Variants in ZNF75D observed in about 807,000 individuals in gnomAD.
ZNF75D encodes the protein zinc finger protein 75.
ZNF75D carries 33 observed loss-of-function variants against 33.3 expected under a neutral mutation model. The observed-to-expected ratio is 0.99, with a 90% CI of 0.75 to 1.32. The LOEUF (loss-of-function observed/expected upper bound fraction) is 1.32, where lower values mean the gene tolerates loss of function less well. ZNF75D is among the 40% of genes most tolerant of loss of function. The pLI is 0.00. For missense variants in ZNF75D, 338 were observed against 367.5 expected, an observed-to-expected ratio of 0.92 and a Z score of 0.66; for synonymous variants, 113 against 130.6, an observed-to-expected ratio of 0.87 and a Z score of 0.92.
Position 135,287,088 on chromosome X carries a change from T to C in ZNF75D, c.*49A>G. 9.6e-7 allele frequency: 1 copy of C among 1,040,706 alleles called. No homozygotes were observed. The highest frequency in any genetic ancestry group is 3.0e-5 in the East Asian group (1 of 33,075). 85.8% of individuals were successfully genotyped at this position (1,040,706 alleles called of 1,213,427 possible). A position where few individuals can be genotyped will look rare whatever the true frequency, so the allele number is the denominator to read the frequency against. ...TCCTATCATTGGGTGCCTCATAATTTTGTATTCTTTCACCACTTCTAAAGT... is the reference window on the plus strand; with the variant it reads ...TCCTATCATTGGGTGCCTCATAATTCTGTATTCTTTCACCACTTCTAAAGT... On this transcript the variant is annotated 3_prime_UTR_variant, in exon 7 of 7. Coordinates refer to ENST00000370766, the MANE Select transcript of ZNF75D (RefSeq NM_007131.5).
downstream of ZNF75D, among the ~76,000 whole-genome samples, chrX:135,283,415 A>G (rs781992182): frequency 1.8e-4 from 20 of 111,813 alleles, no homozygotes; most frequent in Admixed American, 4.7e-4. Context: ...CCCTCCTTTA[A>G]ATGAGGAACA....
intron 1 of ZNF75D, among the ~76,000 whole-genome samples, chrX:135,329,811 T>C (rs1350928025): frequency 8.9e-6 from 1 of 112,494 alleles, no homozygotes; most frequent in Admixed American, 9.4e-5. Flanking sequence ...CTGAATATGA[T>C]TTTTTTAAAT....
intron 1 of ZNF75D, among the ~76,000 whole-genome samples, chrX:135,340,981 G>A (rs1482920401): frequency 8.9e-6 from 1 of 111,900 alleles, no homozygotes; most frequent in East Asian, 2.8e-4. Context: ...ACTGTAATGG[G>A]CAGCAGATTC....
At chrX:135,316,763 T>C (rs1459008039) in intron 1 of ZNF75D, among the ~76,000 whole-genome samples, 3 of 109,107 alleles carry the variant, frequency 2.7e-5, no homozygotes, top group African/African-American at 1.0e-4. Context: ...TGATCTAGTC[T>C]ATTGTTGGAG....
At position 135,294,123 on chromosome X, in the gene ZNF75D, C is replaced by T; in HGVS notation, c.18G>A (p.Leu6=). 1 of 1,193,495 alleles carries T rather than the reference C, an allele frequency of 8.4e-7. No homozygotes were observed. Among genetic ancestry groups the T allele is most frequent in the South Asian group, 1.9e-5 (1 of 53,973 alleles). MAMRE[L]NADSCSSPQM... Reference sequence around the variant, plus strand: ...GGGGGCTTGAGCATGAATCCGCGTTCAGCTCTCTCATCGCCATTTGCTCTA... The same window carrying T: ...GGGGGCTTGAGCATGAATCCGCGTTTAGCTCTCTCATCGCCATTTGCTCTA... Residue 6 remains leucine, a synonymous_variant, in exon 3 of 7, where the codon CTG becomes CTA. Coordinates refer to ENST00000370766, the MANE Select transcript of ZNF75D (RefSeq NM_007131.5).
At chrX:135,332,285 G>A (rs1241725868) in intron 1 of ZNF75D, among the ~76,000 whole-genome samples, 2 of 111,560 alleles carry the variant, frequency 1.8e-5, no homozygotes, top group Admixed American at 1.9e-4. Flanking sequence ...TAGCATAGAA[G>A]GGTCCAGTAG....
Position 135,342,195 on chromosome X carries a change from C to G in ZNF75D, c.-818G>C, listed in dbSNP as rs1332401706. On this transcript the variant is annotated 5_prime_UTR_variant, in exon 1 of 7. It removes the in-frame stop codon of an upstream open reading frame in the 5' UTR. Transcript: ENST00000370766. ...AACTACTCTACACTTCAGGGCTCCT[C>G]TAAGTATCCATTGGCTCCAGTTTGA... 1 of 112,064 alleles carries G rather than the reference C, an allele frequency of 8.9e-6. No homozygotes were observed. Among genetic ancestry groups the G allele is most frequent in the African/African-American group, 3.2e-5 (1 of 30,773 alleles). 9.2% of individuals were successfully genotyped at this position (112,064 alleles called of 1,213,427 possible). A position where few individuals can be genotyped will look rare whatever the true frequency, so the allele number is the denominator to read the frequency against.
chrX:135,258,261 T>A (rs1203128993), intron 1 of ZNF75D, among the ~76,000 whole-genome samples: 1 of 108,365 alleles, frequency 9.2e-6, no homozygotes, highest in Non-Finnish European at 1.9e-5. Context: ...AACATACGTG[T>A]GCATGTGTCT....
rs577294858 is a variant in ZNF75D at position 135,258,198 on chromosome X, A to T, written n.828-2421T>A. ...TGGTGTATAATCCAGTCTATCATTG[A>T]TGGACATTTGGACTGGTTCCAAGTC... On this transcript the variant is annotated intron_variant and non_coding_transcript_variant, in intron 1 of 3. Transcript: ENST00000494295. Among the ~76,000 whole-genome samples, 4 of 100,039 alleles carry T rather than the reference A, an allele frequency of 4.0e-5. No homozygotes were observed. In the South Asian group the frequency reaches 1.6e-3, roughly 40 times the overall value. The allele number at this position is 100,039 out of a possible 115,157, so 86.9% of individuals were successfully genotyped here.
intron 1 of ZNF75D, among the ~76,000 whole-genome samples, chrX:135,326,582 C>G (rs1354416506): frequency 8.9e-6 from 1 of 111,998 alleles, no homozygotes; most frequent in Non-Finnish European, 1.9e-5. Flanking sequence ...CACTTGGGTC[C>G]CCTTCCACAC....
At chrX:135,259,599 C>G (rs2083829126) in intron 1 of ZNF75D, among the ~76,000 whole-genome samples, 1 of 111,108 alleles carries the variant, frequency 9.0e-6, no homozygotes. Context: ...CTCTGTTTGT[C>G]TTAATGGTGT....
At chrX:135,329,402 C>A (rs781907150) in intron 1 of ZNF75D, among the ~76,000 whole-genome samples, 2 of 111,619 alleles carry the variant, frequency 1.8e-5, no homozygotes, top group Non-Finnish European at 3.8e-5. Flanking sequence ...ATCAGCCTCC[C>A]GAGTACCTGG....
intron 1 of ZNF75D, among the ~76,000 whole-genome samples, chrX:135,266,141 T>C (rs960848976): frequency 9.1e-6 from 1 of 110,098 alleles, no homozygotes; most frequent in Non-Finnish European, 1.9e-5. Context: ...AAAAATAAAA[T>C]GCAAGAAATT....
chrX:135,287,044 T>G lies in ZNF75D; in HGVS notation c.*93A>C. The G allele has an allele frequency of 1.3e-6, 1 of 756,604 alleles. No individual in the cohort carries two copies. Among genetic ancestry groups the G allele is most frequent in the Non-Finnish European group, 2.0e-6 (1 of 509,213 alleles). 62.4% of individuals were successfully genotyped at this position (756,604 alleles called of 1,213,427 possible). A position where few individuals can be genotyped will look rare whatever the true frequency, so the allele number is the denominator to read the frequency against. ...AAGTGTAACATGTACCCTTCCCAAATGTTTTATTAATCACAGATTCCTATC... is the reference window on the plus strand; with the variant it reads ...AAGTGTAACATGTACCCTTCCCAAAGGTTTTATTAATCACAGATTCCTATC... On this transcript the variant is annotated 3_prime_UTR_variant, in exon 7 of 7. Transcript: ENST00000370766.
intron 1 of ZNF75D, among the ~76,000 whole-genome samples, chrX:135,272,472 T>C (rs2083886544): frequency 9.1e-6 from 1 of 109,728 alleles, no homozygotes. Flanking sequence ...GTCGAAGTCA[T>C]TTGAGTTTTA....
intron 1 of ZNF75D, among the ~76,000 whole-genome samples, chrX:135,308,678 T>C (rs2084319491): frequency 1.8e-5 from 2 of 111,932 alleles, no homozygotes; most frequent in South Asian, 3.7e-4. Flanking sequence ...ATAATACCAC[T>C]CAGCACTTTT....
At chrX:135,297,872 C>T (rs1556423516) in intron 1 of ZNF75D, 2 of 112,095 alleles carry the variant, frequency 1.8e-5, no homozygotes, top group East Asian at 5.6e-4. Context: ...GGAAGTCTGA[C>T]ATCAGGGTGC....
chrX:135,258,179 A>ATATGTGCCACATTTACT (rs782362401), intron 1 of ZNF75D, among the ~76,000 whole-genome samples: 1 of 79,413 alleles, frequency 1.3e-5, no homozygotes, highest in Non-Finnish European at 3.3e-5. Context: ...TCCATGGTGT[A>ATATGTGCCACATTTACT]TAATCCAGTC....
chrX:135,314,815 G>A (rs1290941529), intron 1 of ZNF75D, among the ~76,000 whole-genome samples: 1 of 111,638 alleles, frequency 9.0e-6, no homozygotes, highest in Non-Finnish European at 1.9e-5. Flanking sequence ...GGTATCAATT[G>A]TAATGCCTCC....
Sources: gnomAD v4.1 joint callset for allele counts (sites outside exome capture counted in the v4.1 genomes callset) on GRCh38, gnomAD v4.1.1 for gene constraint, MANE v1.5 for transcripts, NCBI Gene and HGNC (gene_info 2026-07-23, HGNC 2026-07-21) for gene names.